The following PNLIPRP3 variants were observed in gnomAD, a reference collection of about 807,000 sequenced individuals.
The protein encoded by PNLIPRP3 is pancreatic lipase-related protein 3.
In PNLIPRP3, 58 loss-of-function variants were observed where a neutral mutation model predicts 52.8. That is an observed-to-expected ratio of 1.10 (90% CI 0.89 to 1.37). PNLIPRP3 has a LOEUF of 1.37. Ranked by LOEUF, PNLIPRP3 falls within the 40% of genes most tolerant of loss-of-function variation. PNLIPRP3 has a pLI of 0.00. For synonymous variants in PNLIPRP3, 192 were observed against 185.0 expected, an observed-to-expected ratio of 1.04 and a Z score of -0.31; for missense variants, 593 against 561.6, an observed-to-expected ratio of 1.06 and a Z score of -0.57.
At chr10:116,436,340 A>G (rs1422033310) in intron 1 of PNLIPRP3, among the ~76,000 whole-genome samples, 1 of 152,242 alleles carries the variant, frequency 6.6e-6, no homozygotes, top group Non-Finnish European at 1.5e-5. Flanking sequence ...GCCATATACA[A>G]AATTAACTTG....
intron 1 of PNLIPRP3, among the ~76,000 whole-genome samples, chr10:116,436,087 A>C (rs1004528584): frequency 5.3e-5 from 8 of 152,210 alleles, no homozygotes; most frequent in Admixed American, 6.5e-5. Flanking sequence ...AGAATATGCA[A>C]TGAGGAAATG....
Position 116,455,848 on chromosome 10 carries a change from T to C in PNLIPRP3, c.565+18T>C, listed in dbSNP as rs1385811511. On this transcript the variant is annotated intron_variant, in intron 5 of 11. Transcript: ENST00000369230. ...AATAACTGGTAAGCATGCCCTGCAG[T>C]TGGGCCTTGAGTGTGTTTAAATATT... 3 of 1,579,412 alleles carry C rather than the reference T, an allele frequency of 1.9e-6. No individual in the cohort carries two copies. In the Admixed American group the frequency reaches 5.0e-5, roughly 26 times the overall value.
chr10:116,452,671 T>A (rs535071868), intron 4 of PNLIPRP3, among the ~76,000 whole-genome samples: 1 of 152,328 alleles, frequency 6.6e-6, no homozygotes, highest in Non-Finnish European at 1.5e-5. Flanking sequence ...GGGCCCCAGA[T>A]ACAGCTTAGA....
chr10:116,446,156 C>G (rs749306443), intron 4 of PNLIPRP3, among the ~76,000 whole-genome samples: 3 of 151,812 alleles, frequency 2.0e-5, no homozygotes, highest in African/African-American at 4.8e-5. Context: ...ACCATCCTGG[C>G]GAACAAAATG....
At chr10:116,466,658 GATCA>G (rs552664685) in intron 8 of PNLIPRP3, among the ~76,000 whole-genome samples, 1 of 152,234 alleles carries the variant, frequency 6.6e-6, no homozygotes, top group Non-Finnish European at 1.5e-5. Flanking sequence ...GCTCTACACA[GATCA>G]ATATGTGACA....
chr10:116,460,162 C>G lies in PNLIPRP3; in HGVS notation c.566-804C>G, dbSNP rs536169685. Reference sequence around the variant, plus strand: ...GGATAACACTTATGATCACCACTGCCTCTGCACGGAGGACACTGACTGGGG... The same window carrying G: ...GGATAACACTTATGATCACCACTGCGTCTGCACGGAGGACACTGACTGGGG... On this transcript the variant is annotated intron_variant, in intron 5 of 11. Transcript: ENST00000369230. 2.0e-5 allele frequency among the ~76,000 whole-genome samples: 3 copies of G among 152,304 alleles called. No homozygotes were observed. The East Asian group carries it at 5.8e-4, about 29-fold the overall frequency.
chr10:116,436,168 A>G (rs902105924), intron 1 of PNLIPRP3, among the ~76,000 whole-genome samples: 19 of 152,176 alleles, frequency 1.2e-4, no homozygotes, highest in Admixed American at 2.6e-4. Flanking sequence ...TTGAACCCTT[A>G]CGCCATATAC....
At chr10:116,470,253 G>A (rs1846346684) in intron 9 of PNLIPRP3, among the ~76,000 whole-genome samples, 1 of 152,104 alleles carries the variant, frequency 6.6e-6, no homozygotes, top group South Asian at 2.1e-4. Flanking sequence ...TCAGCCTCTG[G>A]AAATGGATGT....
At chr10:116,435,682 T>C (rs1033761407) in intron 1 of PNLIPRP3, among the ~76,000 whole-genome samples, 4 of 152,226 alleles carry the variant, frequency 2.6e-5, no homozygotes, top group African/African-American at 9.6e-5. Flanking sequence ...TGATTCACGA[T>C]GTTGAGCATC....
At chr10:116,451,520 A>G (rs1448976513) in intron 4 of PNLIPRP3, among the ~76,000 whole-genome samples, 1 of 152,186 alleles carries the variant, frequency 6.6e-6, no homozygotes, top group African/African-American at 2.4e-5. Flanking sequence ...GAGGTTTGGA[A>G]TCATGGGGGT....
At chr10:116,444,309 G>A in intron 3 of PNLIPRP3, 73 bp from the exon 4 acceptor site, 1 of 1,288,716 alleles carries the variant, frequency 7.8e-7, no homozygotes, top group South Asian at 1.6e-5. Context: ...TCTTATTATG[G>A]AATCAAGTGT....
rs548386035 is a variant in PNLIPRP3 at position 116,461,245 on chromosome 10, T to C, written c.763T>C (p.Leu255=). 2.8e-5 allele frequency: 45 copies of C among 1,613,584 alleles called. No homozygotes were observed. In the African/African-American group the frequency reaches 3.6e-4, roughly 13 times the overall value. Residue 255 remains leucine, a synonymous_variant, in exon 7 of 12, where the codon TTA becomes CTA. Coordinates refer to ENST00000369230, the MANE Select transcript of PNLIPRP3 (RefSeq NM_001011709.3). ...GAAGCACATGCCAGGATGTGAAGAC[T>C]TAATTACACCTTTACTGAAATTTAA... ...GGKHMPGCED[L]ITPLLKFNFN... is the part of the protein sequence containing the mutation.
chr10:116,469,970 C>CAAAAAAAAA (rs34958696), intron 9 of PNLIPRP3, among the ~76,000 whole-genome samples: 3 of 131,518 alleles, frequency 2.3e-5, no homozygotes, highest in African/African-American at 5.5e-5. Flanking sequence ...ACAATTCAGG[C>CAAAAAAAAA]AAAAAAAAAA....
intron 10 of PNLIPRP3, 105 bp from the exon 11 acceptor site, chr10:116,476,547 A>G (rs1301755469): frequency 1.1e-5 from 9 of 841,890 alleles, no homozygotes; most frequent in Middle Eastern, 5.0e-4. Flanking sequence ...AGCAAATGCT[A>G]GCAAATACAA....
intron 4 of PNLIPRP3, among the ~76,000 whole-genome samples, chr10:116,454,354 G>T (rs1466365842): frequency 6.6e-6 from 1 of 152,114 alleles, no homozygotes; most frequent in Non-Finnish European, 1.5e-5. Flanking sequence ...TCCTGACCTC[G>T]TGATCTGCCC....
At chr10:116,434,514 T>G (rs1845750106) in intron 1 of PNLIPRP3, among the ~76,000 whole-genome samples, 1 of 152,236 alleles carries the variant, frequency 6.6e-6, no homozygotes, top group African/African-American at 2.4e-5. Flanking sequence ...CTTTAATACC[T>G]TATAATATTG....
intron 3 of PNLIPRP3, among the ~76,000 whole-genome samples, chr10:116,443,941 A>G (rs1031919090): frequency 2.6e-5 from 4 of 151,150 alleles, no homozygotes; most frequent in East Asian, 4.0e-4. Flanking sequence ...TCATACTGCT[A>G]TAAAGAACTG....
At chr10:116,455,699 A>T in intron 4 of PNLIPRP3, 23 bp from the exon 5 acceptor site, 1 of 1,544,144 alleles carries the variant, frequency 6.5e-7, no homozygotes, top group Non-Finnish European at 8.9e-7. Flanking sequence ...TAAAATACTT[A>T]TTCTGTTAAA....
At chr10:116,457,637 T>C (rs1199778730) in intron 5 of PNLIPRP3, among the ~76,000 whole-genome samples, 1 of 152,134 alleles carries the variant, frequency 6.6e-6, no homozygotes, top group Non-Finnish European at 1.5e-5. Flanking sequence ...TGTGACCCTT[T>C]GTGGTCAATT....
Sources: allele counts gnomAD v4.1 joint callset (sites outside exome capture counted in the v4.1 genomes callset), GRCh38; gene constraint gnomAD v4.1.1; transcripts MANE v1.5; gene names NCBI Gene and HGNC (gene_info 2026-07-23, HGNC 2026-07-21).